PTGER4: variants seen among roughly 807,000 people sequenced by gnomAD.
PTGER4 encodes the protein prostaglandin E2 receptor EP4 subtype.
PTGER4 carries 11 observed loss-of-function variants against 33.2 expected under a neutral mutation model. The ratio of observed to expected loss-of-function variants is 0.33; its 90% CI spans 0.21 to 0.55. PTGER4 has a LOEUF of 0.55. Among genes scored for constraint, PTGER4 ranks in the 20% least tolerant of loss-of-function variants. The pLI is 0.92. For synonymous variants in PTGER4, 275 were observed against 281.5 expected (o/e 0.98, Z 0.23); for missense variants, 481 against 650.2 (o/e 0.74, Z 2.83).
chr5:40,725,958 T>C, the PTGER4 span, among the ~76,000 whole-genome samples: 2 of 151,796 alleles, frequency 1.3e-5, no homozygotes, highest in Non-Finnish European at 2.9e-5. Context: ...GCTAATTTTT[T>C]GTATTTTTAG....
chr5:40,701,339 C>G, the PTGER4 span, among the ~76,000 whole-genome samples: 5 of 152,212 alleles, frequency 3.3e-5, no homozygotes, highest in Non-Finnish European at 7.3e-5. Context: ...ACGAACCTAA[C>G]AGGTCTGACA....
At chr5:40,705,358 A>C in the PTGER4 span, among the ~76,000 whole-genome samples, 1 of 152,242 alleles carries the variant, frequency 6.6e-6, no homozygotes, top group African/African-American at 2.4e-5. Context: ...GTAAAACTCA[A>C]AACTATAAAT....
the PTGER4 span, among the ~76,000 whole-genome samples, chr5:40,741,273 C>G: frequency 6.6e-6 from 1 of 152,140 alleles, no homozygotes; most frequent in Non-Finnish European, 1.5e-5. Flanking sequence ...CTGAAGTAGC[C>G]TTCCCTCTAG....
chr5:40,716,205 TAC>T, the PTGER4 span: 1 of 1,614,150 alleles, frequency 6.2e-7, no homozygotes, highest in Non-Finnish European at 8.5e-7. Context: ...CCTTTTCAGT[TAC>T]AGTCTCTATG....
chr5:40,722,166 T>C, the PTGER4 span, among the ~76,000 whole-genome samples: 1 of 150,284 alleles, frequency 6.7e-6, no homozygotes, highest in Non-Finnish European at 1.5e-5. Context: ...GATCGCACCA[T>C]GTCACTCCAG....
chr5:40,683,775 T>C lies in PTGER4; in HGVS notation c.867+1915T>C, dbSNP rs140991589. Among the ~76,000 whole-genome samples the C allele has an allele frequency of 2.1e-3, 316 of 152,302 alleles. 1 individual carries two copies. The highest frequency in any genetic ancestry group is 7.3e-3 in the African/African-American group (304 of 41,558). On this transcript the variant is annotated intron_variant, in intron 2 of 2. Coordinates refer to ENST00000302472, the MANE Select transcript of PTGER4 (RefSeq NM_000958.3). The surrounding 1 kb of genome is among the most constrained non-coding windows in gnomAD (Gnocchi z 4.2). ...GACCTGGACCTAAGATTCAGGGCCCTTACACAAAGCCTTGAAATTATTTGA... is the reference window on the plus strand; with the variant it reads ...GACCTGGACCTAAGATTCAGGGCCCCTACACAAAGCCTTGAAATTATTTGA...
chr5:40,689,404 CA>C (rs1252767450), intron 2 of PTGER4, among the ~76,000 whole-genome samples: 1 of 152,068 alleles, frequency 6.6e-6, no homozygotes, highest in African/African-American at 2.4e-5. Context: ...CTTGATTTTG[CA>C]GATTAATGAA....
At chr5:40,716,054 TCTC>T in the PTGER4 span, 1 of 1,079,442 alleles carries the variant, frequency 9.3e-7, no homozygotes, top group East Asian at 2.6e-5. Context: ...AACCAGGCGT[TCTC>T]CTATCTATCT....
the PTGER4 span, among the ~76,000 whole-genome samples, chr5:40,734,620 T>C: frequency 3.9e-5 from 6 of 152,348 alleles, no homozygotes; most frequent in Middle Eastern, 3.4e-3. Flanking sequence ...TGTGTTTAGC[T>C]ACTTTACTCC....
the PTGER4 span, among the ~76,000 whole-genome samples, chr5:40,723,624 G>A: frequency 1.1e-3 from 164 of 152,248 alleles, no homozygotes; most frequent in Middle Eastern, 3.4e-3. Context: ...CAGCACTGTG[G>A]GAGGCCATGG....
chr5:40,716,068 CCA>C, the PTGER4 span: 1 of 1,241,886 alleles, frequency 8.1e-7, no homozygotes, highest in East Asian at 2.5e-5. Flanking sequence ...CTATCTATCT[CCA>C]GAGTAAATGT....
the PTGER4 span, among the ~76,000 whole-genome samples, chr5:40,712,426 G>A: frequency 1.1e-4 from 16 of 152,134 alleles, no homozygotes; most frequent in African/African-American, 3.9e-4. Flanking sequence ...AACCACTTGA[G>A]ACACAGACAG....
chr5:40,696,884 A>G (rs1741591473), downstream of PTGER4, among the ~76,000 whole-genome samples: 1 of 152,016 alleles, frequency 6.6e-6, no homozygotes, highest in Non-Finnish European at 1.5e-5. Flanking sequence ...GGGCAAGAGC[A>G]CAGTGAAACC....
At chr5:40,728,544 C>A in the PTGER4 span, 1 of 1,419,894 alleles carries the variant, frequency 7.0e-7, no homozygotes, top group Admixed American at 2.5e-5. Context: ...ATAAAAAACC[C>A]TTTTCATTTT....
the PTGER4 span, among the ~76,000 whole-genome samples, chr5:40,741,402 TGAACGCTAC>T: frequency 6.6e-6 from 1 of 152,218 alleles, no homozygotes; most frequent in East Asian, 1.9e-4. Context: ...CCGCTCTGTA[TGAACGCTAC>T]GAATGGTTCA....
At chr5:40,686,505 C>G (rs1741327041) in intron 2 of PTGER4, among the ~76,000 whole-genome samples, 1 of 152,222 alleles carries the variant, frequency 6.6e-6, no homozygotes, top group Non-Finnish European at 1.5e-5. Flanking sequence ...ACGATAGGCA[C>G]TGTACTAAGC....
At chr5:40,718,691 T>C in the PTGER4 span, among the ~76,000 whole-genome samples, 41 of 151,986 alleles carry the variant, frequency 2.7e-4, no homozygotes, top group South Asian at 1.9e-3. Flanking sequence ...TGAGCCGAGA[T>C]TGCACCACCG....
chr5:40,700,777 C>G, the PTGER4 span, among the ~76,000 whole-genome samples: 2 of 152,110 alleles, frequency 1.3e-5, no homozygotes, highest in Non-Finnish European at 2.9e-5. Context: ...GTAGAGGAAC[C>G]CACACCTTCA....
chr5:40,684,449 T>C (rs986989082), intron 2 of PTGER4, among the ~76,000 whole-genome samples: 3 of 152,214 alleles, frequency 2.0e-5, no homozygotes, highest in African/African-American at 7.2e-5. Context: ...AAGCTTGATA[T>C]AATACCTAAG....
Sources: allele counts gnomAD v4.1 joint callset (sites outside exome capture counted in the v4.1 genomes callset), GRCh38; gene constraint gnomAD v4.1.1; non-coding constraint Gnocchi (gnomAD v3.1); transcripts MANE v1.5; gene names NCBI Gene and HGNC (gene_info 2026-07-23, HGNC 2026-07-21).